Variants in DIAPH2 observed in about 807,000 individuals in gnomAD.
DIAPH2 encodes the protein protein diaphanous homolog 2.
A neutral mutation model predicts 92.7 loss-of-function variants in DIAPH2; 35 were observed. The observed-to-expected ratio is 0.38, with a 90% CI of 0.29 to 0.50. The LOEUF (loss-of-function observed/expected upper bound fraction) is 0.50. Among genes scored for constraint, DIAPH2 ranks in the 20% least tolerant of loss-of-function variants. The pLI is 0.94. For missense variants in DIAPH2, 701 were observed against 819.5 expected (o/e 0.86, Z 1.77); for synonymous variants, 301 against 280.4 (o/e 1.07, Z -0.73).
At chrX:96,715,494 G>C (rs1320389665) in intron 1 of DIAPH2, among the ~76,000 whole-genome samples, 1 of 111,554 alleles carries the variant, frequency 9.0e-6, no homozygotes, top group African/African-American at 3.3e-5. Context: ...AGGGACACTT[G>C]TTGCAATTCT....
intron 17 of DIAPH2, among the ~76,000 whole-genome samples, chrX:96,988,394 C>T (rs904497580): frequency 1.8e-5 from 2 of 109,676 alleles, no homozygotes; most frequent in African/African-American, 6.6e-5. Flanking sequence ...AAGCAGAATC[C>T]AGCAGGACTT....
intron 17 of DIAPH2, among the ~76,000 whole-genome samples, chrX:96,970,350 G>GT (rs1556312930): frequency 1.0e-4 from 11 of 106,053 alleles, no homozygotes; most frequent in Non-Finnish European, 1.8e-4. Context: ...TCTGGGTGTT[G>GT]TTGTTTGTTT....
At chrX:97,047,639 A>G (rs1342753901) in intron 17 of DIAPH2, among the ~76,000 whole-genome samples, 1 of 92,942 alleles carries the variant, frequency 1.1e-5, no homozygotes, top group African/African-American at 4.1e-5. Context: ...TTAGCCAAGT[A>G]TATACTTTGG....
intron 4 of DIAPH2, among the ~76,000 whole-genome samples, chrX:96,861,658 C>T (rs1243005650): frequency 8.9e-6 from 1 of 111,882 alleles, no homozygotes; most frequent in African/African-American, 3.3e-5. Context: ...GATTTCACTT[C>T]GCTGGATTAA....
chrX:96,797,965 AC>A (rs2064553326), intron 4 of DIAPH2, among the ~76,000 whole-genome samples: 1 of 112,251 alleles, frequency 8.9e-6, no homozygotes, highest in Admixed American at 9.4e-5. Flanking sequence ...TTGGTGCAGG[AC>A]CCCCTGCAAA....
At chrX:97,416,358 G>A (rs1432684586) in intron 25 of DIAPH2, among the ~76,000 whole-genome samples, 1 of 112,116 alleles carries the variant, frequency 8.9e-6, no homozygotes, top group Non-Finnish European at 1.9e-5. Context: ...CATTAGACAA[G>A]AGGTTGATTC....
intron 23 of DIAPH2, among the ~76,000 whole-genome samples, chrX:97,304,164 C>A (rs1456746624): frequency 8.9e-6 from 1 of 111,973 alleles, no homozygotes; most frequent in African/African-American, 3.2e-5. Flanking sequence ...GACTTCAGAA[C>A]ATTATGAAGC....
At chrX:97,417,426 G>A (rs1179819103) in intron 25 of DIAPH2, among the ~76,000 whole-genome samples, 1 of 109,836 alleles carries the variant, frequency 9.1e-6, no homozygotes, top group African/African-American at 3.3e-5. Flanking sequence ...GAGATTTATT[G>A]TACTTTAAAA....
intron 21 of DIAPH2, among the ~76,000 whole-genome samples, chrX:97,119,542 G>C (rs1258149917): frequency 1.8e-5 from 2 of 112,120 alleles, no homozygotes; most frequent in African/African-American, 6.5e-5. Context: ...CCTGCCGGGA[G>C]GTGGTGATTT....
intron 26 of DIAPH2, among the ~76,000 whole-genome samples, chrX:97,445,405 A>G (rs1174131297): frequency 1.8e-5 from 2 of 108,789 alleles, no homozygotes; most frequent in East Asian, 5.7e-4. Context: ...CTCCCTCGTA[A>G]CACTGTTTCT....
chrX:97,067,567 T>C (rs1224930699), intron 17 of DIAPH2, among the ~76,000 whole-genome samples: 1 of 111,909 alleles, frequency 8.9e-6, no homozygotes, highest in African/African-American at 3.2e-5. Context: ...ATTAGATTCC[T>C]CCTCTTAGGC....
chrX:97,551,610 A>G (rs757698200), intron 26 of DIAPH2, among the ~76,000 whole-genome samples: 1 of 109,988 alleles, frequency 9.1e-6, no homozygotes, highest in African/African-American at 3.3e-5. Context: ...AAAAAAAAAA[A>G]TTAAAATTAA....
At chrX:97,008,778 A>C (rs2066203013) in intron 17 of DIAPH2, among the ~76,000 whole-genome samples, 1 of 111,391 alleles carries the variant, frequency 9.0e-6, no homozygotes, top group Non-Finnish European at 1.9e-5. Flanking sequence ...TCTCCTAAAC[A>C]GTCTCTATTC....
At chrX:97,551,487 G>C (rs955093428) in intron 26 of DIAPH2, among the ~76,000 whole-genome samples, 3 of 108,953 alleles carry the variant, frequency 2.8e-5, no homozygotes, top group African/African-American at 1.0e-4. Context: ...CTACTCGGGA[G>C]ATTGAGTTGG....
intron 24 of DIAPH2, among the ~76,000 whole-genome samples, chrX:97,379,410 A>G (rs1341091920): frequency 8.9e-6 from 1 of 112,291 alleles, no homozygotes; most frequent in Non-Finnish European, 1.9e-5. Context: ...CAGCTACTAT[A>G]TAATAAGCAT....
At chrX:96,970,547 C>T (rs2065921949) in intron 17 of DIAPH2, among the ~76,000 whole-genome samples, 1 of 111,102 alleles carries the variant, frequency 9.0e-6, no homozygotes, top group African/African-American at 3.3e-5. Flanking sequence ...ACATAACAGT[C>T]TCTGAGGATC....
At chrX:97,293,018 C>A (rs1169365197) in intron 23 of DIAPH2, among the ~76,000 whole-genome samples, 1 of 110,372 alleles carries the variant, frequency 9.1e-6, no homozygotes, top group Non-Finnish European at 1.9e-5. Context: ...GTCAGATAAG[C>A]ATTCCCTAAT....
chrX:97,065,585 CATA>C (rs778154260), intron 17 of DIAPH2, among the ~76,000 whole-genome samples: 1 of 110,725 alleles, frequency 9.0e-6, no homozygotes, highest in Admixed American at 9.7e-5. Context: ...GTGTACAGTA[CATA>C]ATACTTGGTA....
intron 17 of DIAPH2, among the ~76,000 whole-genome samples, chrX:97,019,034 C>G (rs751255414): frequency 2.7e-5 from 3 of 111,719 alleles, no homozygotes; most frequent in Non-Finnish European, 3.8e-5. Context: ...TAAGGTTGTT[C>G]CATGTCTTCC....
Sources: allele counts gnomAD v4.1 joint callset (sites outside exome capture counted in the v4.1 genomes callset), GRCh38; gene constraint gnomAD v4.1.1; transcripts MANE v1.5; gene names NCBI Gene and HGNC (gene_info 2026-07-23, HGNC 2026-07-21).